IFT80: variants seen among roughly 807,000 people sequenced by gnomAD.
IFT80 encodes the protein intraflagellar transport 80.
Under a neutral mutation model 107.9 loss-of-function variants are expected in IFT80, and 79 were observed. The observed-to-expected ratio is 0.73, with a 90% CI of 0.61 to 0.88. The LOEUF (loss-of-function observed/expected upper bound fraction) is 0.88. Ranked by LOEUF, IFT80 falls within the 40% of genes least tolerant of loss-of-function variation. IFT80 has a pLI of 0.00. For missense variants in IFT80, 797 were observed against 914.2 expected (o/e 0.87, Z 1.65); for synonymous variants, 299 against 300.9 (o/e 0.99, Z 0.07).
intron 8 of IFT80, among the ~76,000 whole-genome samples, chr3:160,324,427 C>A (rs1047369605): frequency 7.2e-5 from 11 of 152,062 alleles, no homozygotes; most frequent in Non-Finnish European, 1.5e-4. Flanking sequence ...AAAGCTTATC[C>A]ACCATGATCA....
At chr3:160,391,917 T>C (rs906728635) in intron 1 of IFT80, among the ~76,000 whole-genome samples, 11 of 152,186 alleles carry the variant, frequency 7.2e-5, no homozygotes, top group African/African-American at 2.7e-4. Flanking sequence ...TGCAGGGAAT[T>C]ATCTTGAATG....
chr3:160,366,248 G>A (rs907046369), intron 5 of IFT80, 96 bp from the exon 6 acceptor site: 2 of 857,452 alleles, frequency 2.3e-6, no homozygotes, highest in Non-Finnish European at 3.8e-6. Flanking sequence ...AAAGCCATAT[G>A]AGGTGTCATT....
Position 160,282,607 on chromosome 3 carries a change from TTTCA to T in IFT80, c.1383_1386del (p.Asn461LysfsTer32). On this transcript the variant is annotated frameshift_variant and splice_region_variant, in exon 14 of 20. Transcript: ENST00000326448. LOFTEE classifies it high-confidence loss of function. ...TTTTGATCCAGAGCAATTTCCAAGA[TTTCA>T]TTCTAAAATTTTTTTTAAATGTAAA... 1 of 1,578,650 alleles carries T rather than the reference TTTCA, an allele frequency of 6.3e-7. No individual in the cohort carries two copies. Among genetic ancestry groups the T allele is most frequent in the Non-Finnish European group, 8.7e-7 (1 of 1,151,284 alleles).
Position 160,279,964 on chromosome 3 carries a change from A to T in IFT80, c.1665-600T>A, listed in dbSNP as rs139552979. Among the ~76,000 whole-genome samples, 424 of 152,216 alleles carry T rather than the reference A, an allele frequency of 2.8e-3. 3 individuals are homozygous for T. The highest frequency in any genetic ancestry group is 2.1e-3 in the Non-Finnish European group (140 of 68,026). On this transcript the variant is annotated intron_variant, in intron 15 of 19. Coordinates refer to ENST00000326448, the MANE Select transcript of IFT80 (RefSeq NM_020800.3). ...AAAGAGATGACCTTTAAATAAAAAG[A>T]CTAATTTTTTTTCATTAGTCCAAAT... is the stretch of plus-strand genomic sequence containing the variant.
At chr3:160,262,217 T>G (rs1456370298) in intron 19 of IFT80, among the ~76,000 whole-genome samples, 1 of 152,180 alleles carries the variant, frequency 6.6e-6, no homozygotes, top group African/African-American at 2.4e-5. Context: ...CTTGGAACTC[T>G]GGGTTACATA....
chr3:160,273,732 G>A (rs1714007248), intron 18 of IFT80, among the ~76,000 whole-genome samples: 1 of 152,184 alleles, frequency 6.6e-6, no homozygotes, highest in Non-Finnish European at 1.5e-5. Context: ...CAAAAGGCTA[G>A]ATGAGAGATG....
intron 1 of IFT80, among the ~76,000 whole-genome samples, chr3:160,398,243 G>C (rs976607638): frequency 1.2e-4 from 18 of 152,122 alleles, no homozygotes; most frequent in African/African-American, 2.4e-5. Flanking sequence ...TGGTTGGGAG[G>C]GGGGTGGCTC....
chr3:160,362,912 T>C (rs1206375301), intron 6 of IFT80, among the ~76,000 whole-genome samples: 2 of 152,186 alleles, frequency 1.3e-5, no homozygotes, highest in South Asian at 2.1e-4. Context: ...GCCAATATCA[T>C]ACTGAATGGG....
chr3:160,385,431 G>C lies in IFT80; in HGVS notation c.-46-785C>G, dbSNP rs77339736. On this transcript the variant is annotated intron_variant, in intron 1 of 19. Coordinates refer to ENST00000326448, the MANE Select transcript of IFT80 (RefSeq NM_020800.3). ...CTAACTAGGCAAATGTAAATCAAATGAAAGTGTAATTAAAGGGAAAAAATC... is the reference window on the plus strand; with the variant it reads ...CTAACTAGGCAAATGTAAATCAAATCAAAGTGTAATTAAAGGGAAAAAATC... Among the ~76,000 whole-genome samples, 1,065 of 152,240 alleles carry C rather than the reference G, an allele frequency of 7.0e-3. 11 individuals carry two copies. The highest frequency in any genetic ancestry group is 0.024 in the African/African-American group (995 of 41,554).
intron 18 of IFT80, among the ~76,000 whole-genome samples, chr3:160,277,002 A>T (rs1714319071): frequency 6.6e-6 from 1 of 152,194 alleles, no homozygotes; most frequent in African/African-American, 2.4e-5. Flanking sequence ...CAACTTGGCT[A>T]AAATGAAACT....
chr3:160,351,402 CTAAGCCTTCTTTATCTTAT>C (rs1386685469), intron 8 of IFT80, among the ~76,000 whole-genome samples: 1 of 149,390 alleles, frequency 6.7e-6, no homozygotes. Flanking sequence ...GAATGTTCCA[CTAAGCCTTCTTTATCTTAT>C]TATTACCTTA....
At chr3:160,309,220 A>G (rs1434122665) in intron 9 of IFT80, among the ~76,000 whole-genome samples, 2 of 152,220 alleles carry the variant, frequency 1.3e-5, no homozygotes, top group Non-Finnish European at 2.9e-5. Context: ...ACTATAAAAT[A>G]ACATATGCAC....
intron 10 of IFT80, among the ~76,000 whole-genome samples, chr3:160,306,807 A>G (rs1716862032): frequency 6.6e-6 from 1 of 152,218 alleles, no homozygotes; most frequent in African/African-American, 2.4e-5. Flanking sequence ...TTGGATACCA[A>G]GATGATGCTA....
intron 8 of IFT80, among the ~76,000 whole-genome samples, chr3:160,324,913 A>T (rs1226196450): frequency 1.6e-4 from 24 of 151,546 alleles, no homozygotes; most frequent in Admixed American, 3.3e-4. Context: ...CCTTAAGCTG[A>T]TAAGCAACTT....
intron 13 of IFT80, among the ~76,000 whole-genome samples, chr3:160,283,937 G>A (rs760153193): frequency 5.3e-5 from 8 of 152,056 alleles, no homozygotes; most frequent in East Asian, 1.9e-4. Flanking sequence ...CATTAGAACC[G>A]TCTCCCTTGC....
At chr3:160,279,105 C>G in intron 16 of IFT80, 88 bp downstream of exon 16, 1 of 1,054,138 alleles carries the variant, frequency 9.5e-7, no homozygotes, top group Non-Finnish European at 1.4e-6. Context: ...ATTTTTCCAG[C>G]CTTTAAGCCT....
chr3:160,382,229 C>G (rs988802006), intron 2 of IFT80, among the ~76,000 whole-genome samples: 13 of 152,238 alleles, frequency 8.5e-5, no homozygotes, highest in South Asian at 2.1e-4. Flanking sequence ...AGTAGGCTAT[C>G]CTTTTCAATC....
At chr3:160,388,510 A>C (rs1713113392) in intron 1 of IFT80, among the ~76,000 whole-genome samples, 1 of 150,800 alleles carries the variant, frequency 6.6e-6, no homozygotes, top group Non-Finnish European at 1.5e-5. Flanking sequence ...AGGCAAAATA[A>C]TGGTCTCAGA....
At chr3:160,377,606 CTAAG>C (rs1348456108) in intron 3 of IFT80, 66 bp from the exon 4 acceptor site, 10 of 880,404 alleles carry the variant, frequency 1.1e-5, no homozygotes, top group Non-Finnish European at 1.9e-5. Flanking sequence ...TACTACTAGA[CTAAG>C]TAATAGGCAC....
Sources: allele counts gnomAD v4.1 joint callset (sites outside exome capture counted in the v4.1 genomes callset), GRCh38; gene constraint gnomAD v4.1.1; transcripts MANE v1.5; gene names NCBI Gene and HGNC (gene_info 2026-07-23, HGNC 2026-07-21).